FBXO17: variants seen among roughly 807,000 people sequenced by gnomAD.
FBXO17 encodes F-box protein 17, also known as F-box only protein 17.
FBXO17 carries 43 observed loss-of-function variants against 34.1 expected under a neutral mutation model. That is an observed-to-expected ratio of 1.26 (90% confidence interval 0.99 to 1.62). The LOEUF is 1.62. Among genes scored for constraint, FBXO17 ranks in the 40% most tolerant of loss-of-function variants. The pLI is 0.00. For missense variants in FBXO17, 424 were observed against 386.7 expected, an observed-to-expected ratio of 1.10 and a Z score of -0.81; for synonymous variants, 169 against 166.0, an observed-to-expected ratio of 1.02 and a Z score of -0.14.
chr19:38,954,695 T>C (rs1975137761), intron 1 of FBXO17, among the ~76,000 whole-genome samples: 1 of 147,360 alleles, frequency 6.8e-6, no homozygotes, highest in Non-Finnish European at 1.5e-5. Context: ...TTCTCCTGCC[T>C]CAGCCTCCTG....
chr19:38,946,705 G>T, intron 3 of FBXO17, 138 bp from the exon 4 acceptor site: 1 of 1,202,996 alleles, frequency 8.3e-7, no homozygotes. Flanking sequence ...CAGACCTGAA[G>T]ATGCATGATG....
intron 1 of FBXO17, among the ~76,000 whole-genome samples, chr19:38,953,533 C>T (rs921004498): frequency 3.3e-5 from 5 of 151,906 alleles, no homozygotes; most frequent in South Asian, 4.1e-4. Flanking sequence ...TGTGGTGGCG[C>T]ACCTGTAATC....
intron 1 of FBXO17, among the ~76,000 whole-genome samples, chr19:38,962,096 G>C (rs895031206): frequency 3.2e-5 from 4 of 125,104 alleles, no homozygotes; most frequent in Non-Finnish European, 4.7e-5. Flanking sequence ...AGCCCACCCA[G>C]GGACGCTGTT....
At chr19:38,972,355 G>A (rs1975400815) in intron 1 of FBXO17, among the ~76,000 whole-genome samples, 2 of 152,092 alleles carry the variant, frequency 1.3e-5, no homozygotes, top group African/African-American at 4.8e-5. Context: ...GACCAGCCTG[G>A]CCAACATGAT....
At chr19:38,957,341 A>G (rs1975180089) in intron 1 of FBXO17, among the ~76,000 whole-genome samples, 1 of 151,170 alleles carries the variant, frequency 6.6e-6, no homozygotes, top group Non-Finnish European at 1.5e-5. Context: ...CTTAGTTCCC[A>G]CTCTTCTTCT....
intron 5 of FBXO17, 165 bp downstream of exon 5, chr19:38,944,804 G>A (rs1175306843): frequency 2.1e-6 from 2 of 938,834 alleles, no homozygotes; most frequent in Non-Finnish European, 3.2e-6. Context: ...GAATCGATAT[G>A]TAAGCGTCTT....
rs1457743729 is a variant in FBXO17 at position 38,942,485 on chromosome 19, C to T, written c.*123G>A. 5 of 1,076,146 alleles carry T rather than the reference C, an allele frequency of 4.6e-6. No individual in the cohort carries two copies. The highest frequency in any genetic ancestry group is 6.3e-6 in the Non-Finnish European group (5 of 798,354). 66.7% of individuals were successfully genotyped at this position (1,076,146 alleles called of 1,614,324 possible). A position where few individuals can be genotyped will look rare whatever the true frequency, so the allele number is the denominator to read the frequency against. ...CTATGTTGCCCAGGCTGGTCTTGAA[C>T]TCCCGAGCTCCAGTGATCCTCCCAC... On this transcript the variant is annotated 3_prime_UTR_variant, in exon 6 of 6. Transcript: ENST00000292852.
chr19:38,949,901 G>A, intron 2 of FBXO17, 70 bp downstream of exon 2: 1 of 1,447,796 alleles, frequency 6.9e-7, no homozygotes, highest in South Asian at 1.4e-5. Context: ...CTCAGACTCT[G>A]TCCCGGCCCC....
Position 38,942,758 on chromosome 19 carries a change from GGGGAA to G in FBXO17, c.694-12_694-8del. 6.2e-7 allele frequency: 1 copy of G among 1,600,276 alleles called. No individual in the cohort carries two copies. Among genetic ancestry groups the G allele is most frequent in the Non-Finnish European group, 8.5e-7 (1 of 1,174,576 alleles). On this transcript the variant is annotated splice_region_variant and splice_polypyrimidine_tract_variant and intron_variant, in intron 5 of 5. Transcript: ENST00000292852. ...TGGTGAAGACGTGGGAGACCTGCAG[GGGGAA>G]GGGGAGTGAGAGGGTGAGGGCCTGC...
intron 1 of FBXO17, among the ~76,000 whole-genome samples, chr19:38,954,943 A>T (rs1299950834): frequency 1.8e-5 from 2 of 109,732 alleles, no homozygotes; most frequent in African/African-American, 3.5e-5. Flanking sequence ...TATTATTATT[A>T]TTTTTGAGAC....
chr19:38,946,711 TG>T (rs1395613430), intron 3 of FBXO17, 144 bp from the exon 4 acceptor site: 1 of 1,158,174 alleles, frequency 8.6e-7, no homozygotes, highest in African/African-American at 1.5e-5. Flanking sequence ...TGAAGATGCA[TG>T]ATGGGCTATA....
At chr19:38,955,392 C>T (rs999413082) in intron 1 of FBXO17, among the ~76,000 whole-genome samples, 1 of 152,072 alleles carries the variant, frequency 6.6e-6, no homozygotes, top group African/African-American at 2.4e-5. Context: ...CCGCATGCAG[C>T]GTCTTTGTTT....
chr19:38,952,833 T>C (rs780313662), intron 1 of FBXO17: 1 of 457,022 alleles, frequency 2.2e-6, no homozygotes, highest in Non-Finnish European at 4.4e-6. Flanking sequence ...AATCTCACAC[T>C]CACTCTCCAC....
chr19:38,944,942 G>A, intron 5 of FBXO17, 27 bp downstream of exon 5: 2 of 1,613,158 alleles, frequency 1.2e-6, no homozygotes, highest in African/African-American at 1.3e-5. Flanking sequence ...GCGGGTCGGG[G>A]GGAGCTGGAA....
chr19:38,954,812 T>G (rs2144824411), intron 1 of FBXO17, among the ~76,000 whole-genome samples: 1 of 151,072 alleles, frequency 6.6e-6, no homozygotes, highest in Middle Eastern at 3.5e-3. Context: ...ACTCCTGACC[T>G]CAGGTGATCC....
At chr19:38,950,711 T>G (rs964387599) in intron 1 of FBXO17, among the ~76,000 whole-genome samples, 1 of 152,236 alleles carries the variant, frequency 6.6e-6, no homozygotes, top group African/African-American at 2.4e-5. Context: ...ACCGCTGAGA[T>G]AATATGCAAA....
At chr19:38,974,631 G>A (rs776427700) in intron 1 of FBXO17, among the ~76,000 whole-genome samples, 52 of 152,236 alleles carry the variant, frequency 3.4e-4, no homozygotes, top group Non-Finnish European at 5.4e-4. Context: ...TGGACGCGTT[G>A]TCTAAAAGTT....
At chr19:38,949,548 T>C (rs1568439279) in intron 2 of FBXO17, among the ~76,000 whole-genome samples, 3 of 151,792 alleles carry the variant, frequency 2.0e-5, no homozygotes, top group Admixed American at 2.0e-4. Flanking sequence ...TTTTTTTTTT[T>C]TGAGACAAGG....
At position 38,944,892 on chromosome 19, in the gene FBXO17, G is replaced by A; in HGVS notation, c.693+77C>T. ...TATAGATATCCAGGAGTGACAGAAG[G>A]GAAACCGAGCAGACGAGAGGCTGGG... On this transcript the variant is annotated intron_variant, in intron 5 of 5. Transcript: ENST00000292852. The A allele has an allele frequency of 1.9e-6, 3 of 1,573,968 alleles. No homozygotes were observed. In the Admixed American group the frequency reaches 5.4e-5, roughly 29 times the overall value.
Sources: allele counts gnomAD v4.1 joint callset (sites outside exome capture counted in the v4.1 genomes callset), GRCh38; gene constraint gnomAD v4.1.1; transcripts MANE v1.5; gene names NCBI Gene and HGNC (gene_info 2026-07-23, HGNC 2026-07-21).